The following SV2C variants were observed in gnomAD, a reference collection of about 807,000 sequenced individuals.
SV2C encodes the protein solute carrier family 22 member B3.
A neutral mutation model predicts 79.7 loss-of-function variants in SV2C; 49 were observed. That is an observed-to-expected ratio of 0.61 (90% CI 0.49 to 0.78). SV2C has a LOEUF of 0.78. Ranked by LOEUF, SV2C falls within the 30% of genes least tolerant of loss-of-function variation. The pLI, the probability that SV2C is intolerant of heterozygous loss-of-function variation, is 0.00. For missense variants in SV2C, 833 were observed against 912.9 expected, an observed-to-expected ratio of 0.91 and a Z score of 1.13; for synonymous variants, 334 against 333.2, an observed-to-expected ratio of 1.00 and a Z score of -0.03.
intron 6 of SV2C, among the ~76,000 whole-genome samples, chr5:76,289,768 T>A (rs952541865): frequency 6.6e-6 from 1 of 152,210 alleles, no homozygotes; most frequent in Non-Finnish European, 1.5e-5. Context: ...TTTCTCCCAC[T>A]TGGAATATCC....
the SV2C span, chr5:75,910,831 C>T: frequency 2.3e-6 from 3 of 1,291,682 alleles, no homozygotes; most frequent in Middle Eastern, 2.6e-4. Flanking sequence ...TGAGGGATGT[C>T]TTCTACAGGG....
chr5:76,273,168 T>TAC (rs1158880088), intron 4 of SV2C, among the ~76,000 whole-genome samples: 1 of 120,214 alleles, frequency 8.3e-6, no homozygotes, highest in African/African-American at 3.2e-5. Context: ...TATATATATA[T>TAC]ATACACACAT....
intron 1 of SV2C, among the ~76,000 whole-genome samples, chr5:76,097,919 GA>G (rs1180488604): frequency 1.1e-4 from 17 of 152,166 alleles, no homozygotes; most frequent in African/African-American, 4.1e-4. Context: ...AGAGATGGGT[GA>G]TCTGGAGAAA....
At chr5:75,975,014 T>C in the SV2C span, among the ~76,000 whole-genome samples, 2 of 152,176 alleles carry the variant, frequency 1.3e-5, no homozygotes, top group Admixed American at 1.3e-4. Context: ...TATTATAGCA[T>C]GCTGATTCCC....
the SV2C span, chr5:75,921,726 G>C: frequency 2.3e-6 from 1 of 437,960 alleles, no homozygotes; most frequent in South Asian, 2.3e-5. Context: ...TAAAATATTT[G>C]AGGCTCTCTA....
At chr5:75,976,852 A>G in the SV2C span, among the ~76,000 whole-genome samples, 10 of 152,330 alleles carry the variant, frequency 6.6e-5, no homozygotes, top group East Asian at 1.9e-3. Flanking sequence ...ATACTTTTGT[A>G]ATTCGAAAAG....
the SV2C span, among the ~76,000 whole-genome samples, chr5:75,927,951 G>T: frequency 2.0e-5 from 3 of 152,208 alleles, no homozygotes; most frequent in African/African-American, 7.2e-5. Flanking sequence ...CCCATATCCG[G>T]GGTTGAGGGA....
At chr5:75,925,059 G>T in the SV2C span, among the ~76,000 whole-genome samples, 2 of 151,494 alleles carry the variant, frequency 1.3e-5, no homozygotes, top group Non-Finnish European at 2.9e-5. Context: ...GATACTAAGG[G>T]GTTTACACTA....
chr5:76,298,782 T>A lies in SV2C; in HGVS notation c.1503-12T>A, dbSNP rs1747867621. On this transcript the variant is annotated splice_polypyrimidine_tract_variant and intron_variant, in intron 9 of 12. Transcript: ENST00000502798. The stretch of plus-strand genomic sequence containing the variant: ...TCATTGATTGATATGAATTTTTCTG[T>A]GTGTTGGGCAGATTCATAGGGGTCA... The A allele has an allele frequency of 6.2e-7, 1 of 1,610,932 alleles. No individual in the cohort carries two copies. Among genetic ancestry groups the A allele is most frequent in the African/African-American group, 1.3e-5 (1 of 74,818 alleles).
chr5:76,053,255 T>C, the SV2C span, among the ~76,000 whole-genome samples: 88,439 of 152,026 alleles, frequency 0.58, 27,723 homozygotes, highest in African/African-American at 0.82. Context: ...CACTTCAGGT[T>C]ACACGTCTAT....
the SV2C span, among the ~76,000 whole-genome samples, chr5:75,990,113 T>C: frequency 6.6e-6 from 1 of 152,034 alleles, no homozygotes; most frequent in Admixed American, 6.6e-5. Context: ...ACTATGATGA[T>C]AGTTTCTTTT....
the SV2C span, among the ~76,000 whole-genome samples, chr5:75,884,256 A>G: frequency 1.3e-5 from 2 of 152,126 alleles, no homozygotes; most frequent in African/African-American, 4.8e-5. Flanking sequence ...TAAATGCTTG[A>G]CTTTTGCCAA....
chr5:76,103,703 T>G (rs1293664970), intron 1 of SV2C, among the ~76,000 whole-genome samples: 10 of 152,236 alleles, frequency 6.6e-5, no homozygotes, highest in Non-Finnish European at 1.0e-4. Context: ...CTAGACTGTT[T>G]GTATGCATTA....
At chr5:75,968,114 G>C in the SV2C span, among the ~76,000 whole-genome samples, 1 of 152,210 alleles carries the variant, frequency 6.6e-6, no homozygotes, top group African/African-American at 2.4e-5. Flanking sequence ...TGAGGGTCCT[G>C]ACTGTTAGAA....
At chr5:76,259,359 A>G (rs940506142) in intron 4 of SV2C, among the ~76,000 whole-genome samples, 1 of 152,196 alleles carries the variant, frequency 6.6e-6, no homozygotes, top group African/African-American at 2.4e-5. Context: ...CAGGCCTGGG[A>G]AGGCATCTCA....
chr5:76,340,788 T>G (rs1389552723), intron 12 of SV2C, among the ~76,000 whole-genome samples: 2 of 152,146 alleles, frequency 1.3e-5, no homozygotes, highest in Non-Finnish European at 2.9e-5. Context: ...TTTATTATTT[T>G]TCATAGAGAC....
Position 76,295,856 on chromosome 5 carries a change from T to C in SV2C, c.1416T>C (p.Asn472=), listed in dbSNP as rs1747736986. 6.2e-7 allele frequency: 1 copy of C among 1,613,492 alleles called. No homozygotes were observed. Among genetic ancestry groups the C allele is most frequent in the Non-Finnish European group, 8.5e-7 (1 of 1,179,736 alleles). The change falls in exon 9 of 13, where the codon AAT becomes AAC. Residue 472 remains asparagine, a synonymous_variant. Coordinates refer to ENST00000502798, the MANE Select transcript of SV2C (RefSeq NM_014979.4). ...QSDEYALLTR[N]VERDKYANFT... ...ATGAATATGCATTGCTAACCAGAAA[T>C]GTGGAGAGAGATAAATATGCAAATT...
At chr5:76,213,266 G>A (rs747546518) in intron 4 of SV2C, among the ~76,000 whole-genome samples, 1 of 152,144 alleles carries the variant, frequency 6.6e-6, no homozygotes, top group South Asian at 2.1e-4. Flanking sequence ...GGTCATTGTT[G>A]TACTCTTGCA....
intron 3 of SV2C, 47 bp from the exon 4 acceptor site, chr5:76,209,689 G>T: frequency 6.3e-7 from 1 of 1,582,916 alleles, no homozygotes; most frequent in Non-Finnish European, 8.6e-7. Flanking sequence ...CGTCTCACAT[G>T]AGCTGTCCAC....
Sources: gnomAD v4.1 joint callset for allele counts (sites outside exome capture counted in the v4.1 genomes callset) on GRCh38, gnomAD v4.1.1 for gene constraint, MANE v1.5 for transcripts, NCBI Gene and HGNC (gene_info 2026-07-23, HGNC 2026-07-21) for gene names.